SMAD6: variants seen among roughly 807,000 people sequenced by gnomAD.
SMAD6 encodes SMAD family member 6, also known as MAD homolog 6.
SMAD6 carries 103 observed loss-of-function variants against 39.4 expected under a neutral mutation model. The observed-to-expected ratio is 2.62, with a 90% CI of 2.23 to 3.08. The LOEUF is 3.08. Among genes scored for constraint, SMAD6 ranks in the 30% most tolerant of loss-of-function variants. The pLI, the probability that SMAD6 is intolerant of heterozygous loss-of-function variation, is 0.00. For synonymous variants in SMAD6, 445 were observed against 353.3 expected, an observed-to-expected ratio of 1.26 and a Z score of -2.91; for missense variants, 1,104 against 742.9, an observed-to-expected ratio of 1.49 and a Z score of -5.65.
intron 1 of SMAD6, among the ~76,000 whole-genome samples, chr15:66,710,791 C>T (rs896071411): frequency 4.2e-4 from 50 of 120,222 alleles, no homozygotes; most frequent in Non-Finnish European, 8.3e-4. Context: ...GCAAATGAAA[C>T]CCAAAGAAAA....
chr15:66,703,774 C>T lies in SMAD6; in HGVS notation c.516C>T (p.Leu172=). ...GGCTGCTGCTGCTGGAGCAGGAACT[C>T]AAAACCGTCACGTACTCGCTGCTGA... ...RSRLLLLEQE[L]KTVTYSLLKR... Residue 172 remains leucine (L), a synonymous_variant, in exon 1 of 4, where the codon CTC becomes CTT. Transcript: ENST00000288840. 1.4e-6 allele frequency: 2 copies of T among 1,432,250 alleles called. No homozygotes were observed. Among genetic ancestry groups the T allele is most frequent in the Non-Finnish European group, 1.8e-6 (2 of 1,081,738 alleles). 88.7% of individuals were successfully genotyped at this position (1,432,250 alleles called of 1,614,324 possible).
At chr15:66,727,847 G>A (rs1331078286) in intron 3 of SMAD6, among the ~76,000 whole-genome samples, 2 of 152,010 alleles carry the variant, frequency 1.3e-5, no homozygotes, top group Non-Finnish European at 2.9e-5. Flanking sequence ...TTTTCACAAA[G>A]TGAGCATTCT....
chr15:66,774,583 T>C (rs894725694), intron 3 of SMAD6, among the ~76,000 whole-genome samples: 2 of 152,288 alleles, frequency 1.3e-5, no homozygotes, highest in East Asian at 3.9e-4. Context: ...TGGGCCACTG[T>C]GGAGCCCTGC....
At chr15:66,710,845 G>A (rs1484460546) in intron 1 of SMAD6, among the ~76,000 whole-genome samples, 2 of 152,194 alleles carry the variant, frequency 1.3e-5, no homozygotes, top group African/African-American at 2.4e-5. Flanking sequence ...GCTGTAGAGA[G>A]CTTGTGTTCC....
At chr15:66,770,363 C>T (rs548312242) in intron 3 of SMAD6, among the ~76,000 whole-genome samples, 2 of 152,198 alleles carry the variant, frequency 1.3e-5, no homozygotes, top group South Asian at 2.1e-4. Context: ...GATGTAAGGC[C>T]GGTGCGGGCA....
chr15:66,760,923 G>T (rs1420485307), intron 3 of SMAD6, among the ~76,000 whole-genome samples: 1 of 152,052 alleles, frequency 6.6e-6, no homozygotes, highest in African/African-American at 2.4e-5. Flanking sequence ...TCCTCTCGAG[G>T]GATCATGACA....
chr15:66,716,107 G>A (rs1893324236), intron 2 of SMAD6, among the ~76,000 whole-genome samples: 1 of 152,184 alleles, frequency 6.6e-6, no homozygotes, highest in Non-Finnish European at 1.5e-5. Flanking sequence ...CCTTACCCAC[G>A]GAGGCTCCAA....
intron 1 of SMAD6, among the ~76,000 whole-genome samples, chr15:66,710,011 G>A (rs1011062993): frequency 1.3e-5 from 2 of 152,212 alleles, no homozygotes; most frequent in Non-Finnish European, 2.9e-5. Flanking sequence ...TGCAGGTGGT[G>A]TCCCAGACCC....
At chr15:66,713,360 C>T (rs1406552213) in intron 2 of SMAD6, among the ~76,000 whole-genome samples, 1 of 152,128 alleles carries the variant, frequency 6.6e-6, no homozygotes, top group Admixed American at 6.5e-5. Context: ...CGCTCTGTCA[C>T]CCAGGCTGGA....
chr15:66,768,354 A>G (rs1046742583), intron 3 of SMAD6, among the ~76,000 whole-genome samples: 1 of 152,258 alleles, frequency 6.6e-6, no homozygotes, highest in African/African-American at 2.4e-5. Context: ...TTAACAACCA[A>G]CTGGTGTTAG....
Position 66,702,892 on chromosome 15 carries a change from C to G in SMAD6, c.-367C>G, listed in dbSNP as rs1028262894. The G allele has an allele frequency of 5.1e-6, 1 of 197,762 alleles. No individual in the cohort carries two copies. The highest frequency in any genetic ancestry group is 2.3e-5 in the African/African-American group (1 of 43,220). 12.3% of individuals were successfully genotyped at this position (197,762 alleles called of 1,614,324 possible). ...CGAGCGCTTTGTGCTCATGGACCAG[C>G]CGCACAACTTTTGAAGGCTCGCCGG... On this transcript the variant is annotated 5_prime_UTR_variant, in exon 1 of 4. Transcript: ENST00000288840.
intron 3 of SMAD6, among the ~76,000 whole-genome samples, chr15:66,749,472 A>G (rs548584993): frequency 6.6e-6 from 1 of 152,120 alleles, no homozygotes; most frequent in Non-Finnish European, 1.5e-5. Context: ...AGAAACAAAC[A>G]AACAAAAATT....
At chr15:66,731,167 G>T (rs1271177205) in intron 3 of SMAD6, among the ~76,000 whole-genome samples, 7 of 151,864 alleles carry the variant, frequency 4.6e-5, no homozygotes, top group Admixed American at 4.6e-4. Flanking sequence ...GGCCGGGCGC[G>T]GTGGCTCATG....
chr15:66,711,674 CG>C lies in SMAD6; in HGVS notation c.825del (p.Pro276HisfsTer263), dbSNP rs1567094925. Reference sequence around the variant, plus strand: ...GCTGTCTCCTGTCTTCCAGAATCTCCGCCACCTCCCTACTCTCGGCTGTCTC... The same window carrying C: ...GCTGTCTCCTGTCTTCCAGAATCTCCCCACCTCCCTACTCTCGGCTGTCTC... ...HFSRLCGPES[P>X]PPPYSRLSPR... On this transcript the variant is annotated frameshift_variant, in exon 2 of 4. Coordinates refer to ENST00000288840, the MANE Select transcript of SMAD6 (RefSeq NM_005585.5). LOFTEE classifies it high-confidence loss of function. 6.2e-7 allele frequency: 1 copy of C among 1,613,808 alleles called. No homozygotes were observed.
intron 1 of SMAD6, chr15:66,704,443 C>T (rs557300939): frequency 2.7e-4 from 51 of 186,244 alleles, no homozygotes; most frequent in Non-Finnish European, 2.4e-4. Flanking sequence ...CCGGAATCTA[C>T]CCCAGTCTGT....
intron 3 of SMAD6, among the ~76,000 whole-genome samples, chr15:66,752,757 C>T (rs540808567): frequency 2.0e-5 from 3 of 152,150 alleles, no homozygotes; most frequent in South Asian, 2.1e-4. Context: ...CTGCATCATT[C>T]GCTCCAGCCT....
intron 3 of SMAD6, among the ~76,000 whole-genome samples, chr15:66,753,351 A>G (rs1043342933): frequency 2.6e-5 from 4 of 152,316 alleles, no homozygotes; most frequent in Middle Eastern, 3.4e-3. Context: ...GGATCTGGGC[A>G]GATGTGGGTC....
intron 3 of SMAD6, among the ~76,000 whole-genome samples, chr15:66,721,532 A>C (rs1461705908): frequency 6.6e-6 from 1 of 152,194 alleles, no homozygotes; most frequent in Non-Finnish European, 1.5e-5. Flanking sequence ...TGGGCCCTGC[A>C]ATCAAGCCCT....
chr15:66,746,894 T>C (rs1893918427), intron 3 of SMAD6, among the ~76,000 whole-genome samples: 1 of 152,188 alleles, frequency 6.6e-6, no homozygotes, highest in Admixed American at 6.5e-5. Context: ...AAATCAGAGT[T>C]GACCATGGGG....
Sources: allele counts gnomAD v4.1 joint callset (sites outside exome capture counted in the v4.1 genomes callset), GRCh38; gene constraint gnomAD v4.1.1; transcripts MANE v1.5; gene names NCBI Gene and HGNC (gene_info 2026-07-23, HGNC 2026-07-21).